Variants in STARD13 observed in about 807,000 individuals in gnomAD.
STARD13 encodes StAR related lipid transfer domain containing 13, also known as stAR-related lipid transfer protein 13.
In STARD13, 62 loss-of-function variants were observed where a neutral mutation model predicts 106.4. The ratio of observed to expected loss-of-function variants is 0.58; its 90% CI spans 0.48 to 0.72. STARD13 has a LOEUF of 0.72. STARD13 is among the 30% of genes least tolerant of loss of function. The probability of loss-of-function intolerance (pLI) is 0.00; values close to 1 mark genes in which losing one functional copy is unlikely to be tolerated. For missense variants in STARD13, 1,387 were observed against 1,424.0 expected, an observed-to-expected ratio of 0.97 and a Z score of 0.42; for synonymous variants, 565 against 553.0, an observed-to-expected ratio of 1.02 and a Z score of -0.31.
At chr13:33,274,001 G>A (rs1566111653) in intron 1 of STARD13, 1 of 152,008 alleles carries the variant, frequency 6.6e-6, no homozygotes, top group Non-Finnish European at 1.5e-5. Flanking sequence ...CGATCTTCAA[G>A]GGAGGGCTGT....
chr13:33,676,236 G>A, the STARD13 span, among the ~76,000 whole-genome samples: 11,511 of 152,194 alleles, frequency 0.076, 898 homozygotes, highest in East Asian at 0.25. Context: ...AGCAGGAAGC[G>A]ACATTCAGGA....
the STARD13 span, among the ~76,000 whole-genome samples, chr13:33,666,807 G>A: frequency 6.6e-6 from 1 of 151,900 alleles, no homozygotes; most frequent in African/African-American, 2.4e-5. Flanking sequence ...GGCCAGGCTG[G>A]TCTCGAACCC....
At chr13:33,179,302 C>T (rs998472497) in intron 1 of STARD13, among the ~76,000 whole-genome samples, 2 of 152,128 alleles carry the variant, frequency 1.3e-5, no homozygotes, top group Admixed American at 1.3e-4. Flanking sequence ...ACCTGTGTGA[C>T]CCTGGGTAGG....
At chr13:33,293,215 T>C (rs1056245894) in intron 1 of STARD13, among the ~76,000 whole-genome samples, 9 of 152,188 alleles carry the variant, frequency 5.9e-5, no homozygotes, top group African/African-American at 2.2e-4. Flanking sequence ...TGGACCTGTG[T>C]GTTGCTAATT....
the STARD13 span, among the ~76,000 whole-genome samples, chr13:33,578,353 C>T: frequency 5.3e-5 from 8 of 151,624 alleles, no homozygotes; most frequent in Admixed American, 2.0e-4. Context: ...GTCAGATATA[C>T]CCAGCTGATC....
the STARD13 span, among the ~76,000 whole-genome samples, chr13:33,379,019 A>G: frequency 6.6e-6 from 1 of 151,954 alleles, no homozygotes; most frequent in Non-Finnish European, 1.5e-5. Flanking sequence ...CTGAGGTGAG[A>G]GGATCTCTTG....
At chr13:33,441,123 A>G in the STARD13 span, among the ~76,000 whole-genome samples, 1 of 151,998 alleles carries the variant, frequency 6.6e-6, no homozygotes, top group African/African-American at 2.4e-5. Flanking sequence ...CAGAAACTCA[A>G]AGATCACCCA....
chr13:33,662,876 A>G, the STARD13 span, among the ~76,000 whole-genome samples: 2 of 152,212 alleles, frequency 1.3e-5, no homozygotes, highest in African/African-American at 2.4e-5. Flanking sequence ...CGCTCTCCCT[A>G]AAAAAATTTG....
chr13:33,397,852 C>G, the STARD13 span, among the ~76,000 whole-genome samples: 1 of 152,202 alleles, frequency 6.6e-6, no homozygotes, highest in Non-Finnish European at 1.5e-5. Context: ...TCCTCATAGA[C>G]AGCATTCTCA....
chr13:33,528,548 C>T, the STARD13 span, among the ~76,000 whole-genome samples: 3 of 151,724 alleles, frequency 2.0e-5, no homozygotes, highest in African/African-American at 7.3e-5. Context: ...CCTGGGTTTA[C>T]AGGCATCAGT....
chr13:33,213,579 T>C (rs1236054840), intron 1 of STARD13, among the ~76,000 whole-genome samples: 7 of 152,232 alleles, frequency 4.6e-5, no homozygotes, highest in African/African-American at 1.7e-4. Context: ...TGTGAAGTTC[T>C]GGCATTCAAC....
At chr13:33,395,478 G>T in the STARD13 span, among the ~76,000 whole-genome samples, 1 of 152,226 alleles carries the variant, frequency 6.6e-6, no homozygotes, top group East Asian at 1.9e-4. Context: ...CATTGTTGTA[G>T]TGGAAATAAA....
intron 1 of STARD13, among the ~76,000 whole-genome samples, chr13:33,190,583 CTTTTCT>C (rs1393846786): frequency 0.011 from 1,517 of 142,720 alleles, 15 homozygotes; most frequent in African/African-American, 0.038. Context: ...CTTTTCTTTT[CTTTTCT>C]TTTTTTTTTT....
At chr13:33,645,299 G>T in the STARD13 span, among the ~76,000 whole-genome samples, 6 of 152,172 alleles carry the variant, frequency 3.9e-5, no homozygotes, top group Non-Finnish European at 7.3e-5. Context: ...CACAGGGAGA[G>T]AAAGGCCTCA....
the STARD13 span, among the ~76,000 whole-genome samples, chr13:33,429,502 T>TGAC: frequency 1.3e-5 from 2 of 148,912 alleles, no homozygotes; most frequent in Admixed American, 1.3e-4. Flanking sequence ...CCAGCCTGGG[T>TGAC]GACAGAGCGA....
At chr13:33,193,300 G>A (rs1462399951) in intron 1 of STARD13, among the ~76,000 whole-genome samples, 3 of 152,192 alleles carry the variant, frequency 2.0e-5, no homozygotes, top group Non-Finnish European at 4.4e-5. Flanking sequence ...TGATTAGAAG[G>A]AGAAGGAAAA....
chr13:33,210,203 T>G (rs1887644208), intron 1 of STARD13, among the ~76,000 whole-genome samples: 1 of 152,134 alleles, frequency 6.6e-6, no homozygotes, highest in Non-Finnish European at 1.5e-5. Context: ...GAGAGCACAC[T>G]GAGGAAGCAG....
chr13:33,285,445 C>G, intron 1 of STARD13, 25 bp downstream of exon 1: 1 of 1,603,436 alleles, frequency 6.2e-7, no homozygotes, highest in South Asian at 1.1e-5. Flanking sequence ...GAATGAGCAA[C>G]AGCCTTCCAC....
the STARD13 span, among the ~76,000 whole-genome samples, chr13:33,496,681 C>T: frequency 6.6e-6 from 1 of 152,022 alleles, no homozygotes; most frequent in Non-Finnish European, 1.5e-5. Flanking sequence ...TTCTATAACA[C>T]TGGAACAGGT....
Sources: gnomAD v4.1 joint callset for allele counts (sites outside exome capture counted in the v4.1 genomes callset) on GRCh38, gnomAD v4.1.1 for gene constraint, MANE v1.5 for transcripts, NCBI Gene and HGNC (gene_info 2026-07-23, HGNC 2026-07-21) for gene names.